CHRM3: variants seen among roughly 807,000 people sequenced by gnomAD.
CHRM3 encodes the protein cholinergic receptor muscarinic 3.
A neutral mutation model predicts 41.8 loss-of-function variants in CHRM3; 11 were observed. That is an observed-to-expected ratio of 0.26 (90% CI 0.17 to 0.44). The LOEUF is 0.44. Among genes scored for constraint, CHRM3 ranks in the 20% least tolerant of loss-of-function variants. The pLI is 1.00. For missense variants in CHRM3, 571 were observed against 745.4 expected (o/e 0.77, Z 2.72); for synonymous variants, 297 against 301.4 (o/e 0.99, Z 0.15).
At chr1:239,730,225 A>C (rs1572118877) in intron 5 of CHRM3, among the ~76,000 whole-genome samples, 1 of 152,048 alleles carries the variant, frequency 6.6e-6, no homozygotes, top group Admixed American at 6.6e-5. Flanking sequence ...TTATAGATAT[A>C]TATCCCCATA....
rs1309023460 is a variant in CHRM3, at chr1:239,641,058, A to C, written c.-250+8772A>C. ...CATTCAGGAGCAGGTTGTTCAGTTT[A>C]ATGTAGGTGAGCGGTTTTGCGTGAG... On this transcript the variant is annotated intron_variant, in intron 4 of 6. Transcript: ENST00000676153. Among the ~76,000 whole-genome samples, 46 of 152,116 alleles carry C rather than the reference A, an allele frequency of 3.0e-4. No individual in the cohort carries two copies. The South Asian group carries it at 9.1e-3, about 30-fold the overall frequency.
chr1:239,756,623 G>C lies in CHRM3; in HGVS notation c.-146-70629G>C, dbSNP rs575683030. ...TGCTGAAATAATGATAAACAATGAA[G>C]GTTCTCCAAAAGAATGAAGCACGTG... On this transcript the variant is annotated intron_variant, in intron 5 of 6. Coordinates refer to ENST00000676153, the MANE Select transcript of CHRM3 (RefSeq NM_001375978.1). Among the ~76,000 whole-genome samples the C allele has an allele frequency of 3.9e-5, 6 of 152,220 alleles. No homozygotes were observed. In the South Asian group the frequency reaches 1.2e-3, roughly 32 times the overall value.
intron 1 of CHRM3, among the ~76,000 whole-genome samples, chr1:239,402,205 A>G (rs573782471): frequency 7.6e-4 from 115 of 152,146 alleles, no homozygotes; most frequent in Non-Finnish European, 9.9e-4. Context: ...TACTTTTCCT[A>G]TATGCATTGA....
intron 3 of CHRM3, among the ~76,000 whole-genome samples, chr1:239,615,820 C>T (rs74902121): frequency 0.012 from 1,769 of 152,174 alleles, 14 homozygotes; most frequent in Non-Finnish European, 0.018. Flanking sequence ...CTGAATGCGG[C>T]GGGTGTTTCT....
At chr1:239,477,506 A>G (rs959007130) in intron 1 of CHRM3, among the ~76,000 whole-genome samples, 17 of 152,220 alleles carry the variant, frequency 1.1e-4, no homozygotes, top group African/African-American at 3.9e-4. Context: ...GATCTCAGAG[A>G]AGCAGCAAGA....
intron 4 of CHRM3, among the ~76,000 whole-genome samples, chr1:239,660,522 A>G (rs1199988170): frequency 6.6e-6 from 1 of 152,186 alleles, no homozygotes; most frequent in African/African-American, 2.4e-5. Context: ...AAAAAATCTT[A>G]TTGAACACTT....
chr1:239,907,319 A>T lies in CHRM3; in HGVS notation c.-19-114A>T. 2.8e-6 allele frequency: 2 copies of T among 716,728 alleles called. No individual in the cohort carries two copies. The highest frequency in any genetic ancestry group is 4.6e-6 in the Non-Finnish European group (2 of 435,858). 44.4% of individuals were successfully genotyped at this position (716,728 alleles called of 1,614,324 possible). On this transcript the variant is annotated intron_variant, in intron 6 of 6. Transcript: ENST00000676153. The surrounding 1 kb of genome is among the most constrained non-coding windows in gnomAD (Gnocchi z 5.4). The stretch of plus-strand genomic sequence containing the variant: ...GAATGAACTTGATGTTTGGCTTCAT[A>T]GAGATTCAGCACCCTGTAATAGGCC...
intron 3 of CHRM3, among the ~76,000 whole-genome samples, chr1:239,606,931 G>T (rs1487302581): frequency 1.3e-5 from 2 of 151,972 alleles, no homozygotes; most frequent in African/African-American, 4.8e-5. Flanking sequence ...CCTGAAAGGG[G>T]GCCTATGTCC....
At chr1:239,651,551 C>T (rs1314384981) in intron 4 of CHRM3, among the ~76,000 whole-genome samples, 1 of 152,150 alleles carries the variant, frequency 6.6e-6, no homozygotes, top group Non-Finnish European at 1.5e-5. Context: ...CCTCTGTCCT[C>T]ACTTCTTCCC....
At chr1:239,524,718 A>C (rs942713823) in intron 2 of CHRM3, among the ~76,000 whole-genome samples, 3 of 152,158 alleles carry the variant, frequency 2.0e-5, no homozygotes, top group Non-Finnish European at 4.4e-5. Flanking sequence ...AAGAAATAAA[A>C]TGATAAAAGC....
intron 1 of CHRM3, among the ~76,000 whole-genome samples, chr1:239,395,807 CT>C (rs1163941180): frequency 6.6e-6 from 1 of 152,196 alleles, no homozygotes; most frequent in Non-Finnish European, 1.5e-5. Flanking sequence ...ATATTATTGC[CT>C]TTGATCCATT....
In CHRM3 at chr1:239,634,493, G is replaced by T. The variant is rs142717034; in HGVS notation, c.-250+2207G>T. ...TGATTTGGGAAAATCAGTTTATATT[G>T]GAATTGCCTATGAAAGCTGGTAAAG... On this transcript the variant is annotated intron_variant, in intron 4 of 6. Transcript: ENST00000676153. 2.1e-4 allele frequency among the ~76,000 whole-genome samples: 31 copies of T among 150,500 alleles called. No individual in the cohort carries two copies. In the East Asian group the frequency reaches 5.4e-3, roughly 26 times the overall value.
At chr1:239,403,109 T>G (rs1311616584) in intron 1 of CHRM3, among the ~76,000 whole-genome samples, 2 of 152,230 alleles carry the variant, frequency 1.3e-5, no homozygotes, top group African/African-American at 4.8e-5. Flanking sequence ...TATCTGCCTT[T>G]AAATAAATTA....
intron 1 of CHRM3, among the ~76,000 whole-genome samples, chr1:239,420,880 A>G (rs979416672): frequency 2.0e-5 from 3 of 152,148 alleles, no homozygotes; most frequent in South Asian, 4.1e-4. Context: ...CTGTGATGTA[A>G]ATTATTCCGT....
intron 5 of CHRM3, among the ~76,000 whole-genome samples, chr1:239,775,756 A>T (rs1200835221): frequency 6.6e-6 from 1 of 152,214 alleles, no homozygotes; most frequent in East Asian, 1.9e-4. Context: ...TCAGGGAGAA[A>T]TCGAGAGGCG....
intron 6 of CHRM3, among the ~76,000 whole-genome samples, chr1:239,834,789 T>A (rs1673179528): frequency 6.6e-6 from 1 of 151,954 alleles, no homozygotes; most frequent in South Asian, 2.1e-4. Flanking sequence ...ATTGTTCAGA[T>A]TTCACTTTTT....
chr1:239,571,691 A>G (rs1661843350), intron 3 of CHRM3, among the ~76,000 whole-genome samples: 1 of 152,128 alleles, frequency 6.6e-6, no homozygotes, highest in South Asian at 2.1e-4. Flanking sequence ...CGTCTCCTGC[A>G]CGTCATTACA....
rs57062004 is a variant in CHRM3, at chr1:239,400,793, A to G, written c.-521+13566A>G. Among the ~76,000 whole-genome samples the G allele has an allele frequency of 3.9e-5, 6 of 152,242 alleles. No individual in the cohort carries two copies. The East Asian group carries it at 1.2e-3, about 29-fold the overall frequency. ...GATTTATTTTTGGGCTCTTTATTCC[A>G]TTCCATTGGTCTGTGTGTGTGTGTT... On this transcript the variant is annotated intron_variant, in intron 1 of 6. Transcript: ENST00000676153.
chr1:239,795,202 T>C (rs1227327798), intron 5 of CHRM3, among the ~76,000 whole-genome samples: 1 of 152,194 alleles, frequency 6.6e-6, no homozygotes, highest in Non-Finnish European at 1.5e-5. Flanking sequence ...AAGTGACATT[T>C]TGAAAATGAA....
Sources: allele counts gnomAD v4.1 joint callset (sites outside exome capture counted in the v4.1 genomes callset), GRCh38; gene constraint gnomAD v4.1.1; non-coding constraint Gnocchi (gnomAD v3.1); transcripts MANE v1.5; gene names NCBI Gene and HGNC (gene_info 2026-07-23, HGNC 2026-07-21).